The following ODAD4 variants were observed in gnomAD, a reference collection of about 807,000 sequenced individuals.
ODAD4 encodes outer dynein arm docking complex subunit 4.
A neutral mutation model predicts 51.8 loss-of-function variants in ODAD4; 49 were observed. The observed-to-expected ratio is 0.95, with a 90% CI of 0.75 to 1.20. ODAD4 has a LOEUF of 1.20. ODAD4 is among the 50% of genes most tolerant of loss of function. The pLI is 0.00. For synonymous variants in ODAD4, 235 were observed against 221.3 expected (o/e 1.06, Z -0.55); for missense variants, 590 against 586.5 (o/e 1.01, Z -0.06).
intron 1 of ODAD4, 43 bp downstream of exon 1, chr17:41,930,880 A>AATTT: frequency 2.2e-5 from 3 of 135,212 alleles, no homozygotes; most frequent in African/African-American, 8.8e-5. Context: ...ATCACCCGTC[A>AATTT]CTTTTTTTTT....
In ODAD4 at chr17:41,938,969, C is replaced by T; in HGVS notation, c.855C>T (p.Leu285=). ...LKSLEDIDML[L]TSGSAEGSLQ... ...AGCACCCCTTTCCTTTCTCAGTGCTCACAAGTGGCAGTGCTGAAGGGAGTC... is the reference window on the plus strand; with the variant it reads ...AGCACCCCTTTCCTTTCTCAGTGCTTACAAGTGGCAGTGCTGAAGGGAGTC... The change falls in exon 7 of 12, where the codon CTC becomes CTT. Residue 285 remains leucine, a synonymous_variant. Transcript: ENST00000377540. The T allele has an allele frequency of 1.2e-6, 2 of 1,608,820 alleles. No homozygotes were observed. The highest frequency in any genetic ancestry group is 4.5e-5 in the East Asian group (2 of 44,756).
chr17:41,947,520 G>T (rs1368954813), intron 8 of ODAD4, among the ~76,000 whole-genome samples: 6 of 151,454 alleles, frequency 4.0e-5, no homozygotes, highest in Admixed American at 4.0e-4. Context: ...GCACAGGCCA[G>T]GTGTGGTGGC....
At chr17:41,946,348 C>T (rs566280166) in intron 8 of ODAD4, among the ~76,000 whole-genome samples, 5 of 152,292 alleles carry the variant, frequency 3.3e-5, no homozygotes, top group East Asian at 3.9e-4. Flanking sequence ...TGTTTTGAGA[C>T]GGAGTCTCAC....
At chr17:41,946,738 G>A (rs1039334881) in intron 8 of ODAD4, among the ~76,000 whole-genome samples, 1 of 152,278 alleles carries the variant, frequency 6.6e-6, no homozygotes, top group South Asian at 2.1e-4. Context: ...GTGCAGAGGC[G>A]TGATCTCAGC....
intron 8 of ODAD4, among the ~76,000 whole-genome samples, chr17:41,945,564 G>C (rs1428152200): frequency 1.3e-5 from 2 of 152,010 alleles, no homozygotes; most frequent in Non-Finnish European, 2.9e-5. Flanking sequence ...CTCAATTCTT[G>C]CCTCCTCAGA....
intron 2 of ODAD4, 49 bp from the exon 3 acceptor site, chr17:41,935,549 TC>T: frequency 6.3e-7 from 1 of 1,577,312 alleles, no homozygotes; most frequent in East Asian, 2.3e-5. Flanking sequence ...CACATGTGAG[TC>T]CTATAAGGCC....
intron 9 of ODAD4, among the ~76,000 whole-genome samples, chr17:41,949,772 A>G (rs2050630190): frequency 6.6e-6 from 1 of 152,050 alleles, no homozygotes; most frequent in African/African-American, 2.4e-5. Context: ...TCCCAGGTTC[A>G]AGTGATTCTT....
intron 11 of ODAD4, among the ~76,000 whole-genome samples, chr17:41,962,429 G>A (rs1318290484): frequency 1.3e-5 from 2 of 152,176 alleles, no homozygotes; most frequent in African/African-American, 2.4e-5. Context: ...GGGAGGGAGT[G>A]AGGGAAGGAG....
chr17:41,945,903 A>G (rs1361943682), intron 8 of ODAD4, among the ~76,000 whole-genome samples: 1 of 152,232 alleles, frequency 6.6e-6, no homozygotes, highest in Non-Finnish European at 1.5e-5. Context: ...ACAGTCTCAA[A>G]AAAAAACCTT....
chr17:41,950,072 C>T (rs1476592357), intron 9 of ODAD4, among the ~76,000 whole-genome samples: 5 of 149,040 alleles, frequency 3.4e-5, no homozygotes, highest in East Asian at 2.0e-4. Context: ...CGGGTTCAAG[C>T]GATTCTCCTG....
chr17:41,958,297 G>A (rs1365758050), intron 10 of ODAD4, among the ~76,000 whole-genome samples: 1 of 151,998 alleles, frequency 6.6e-6, no homozygotes, highest in Non-Finnish European at 1.5e-5. Context: ...CAAAGTCCAC[G>A]TTGTGCACTT....
chr17:41,932,497 C>T (rs1350976892), intron 1 of ODAD4, among the ~76,000 whole-genome samples: 1 of 152,112 alleles, frequency 6.6e-6, no homozygotes, highest in Non-Finnish European at 1.5e-5. Context: ...GTGCTAACCA[C>T]AAAACTACAC....
chr17:41,938,975 T>C lies in ODAD4; in HGVS notation c.861T>C (p.Ser287=). The change falls in exon 7 of 12, where the codon AGT becomes AGC. Residue 287 remains serine, a synonymous_variant. Coordinates refer to ENST00000377540, the MANE Select transcript of ODAD4 (RefSeq NM_031421.5). ...SLEDIDMLLT[S]GSAEGSLQKA... ...CCTTTCCTTTCTCAGTGCTCACAAG[T>C]GGCAGTGCTGAAGGGAGTCTTCAGA... 1 of 1,609,870 alleles carries C rather than the reference T, an allele frequency of 6.2e-7. No homozygotes were observed.
intron 6 of ODAD4, 79 bp from the exon 7 acceptor site, chr17:41,938,886 G>A (rs1288261077): frequency 7.1e-6 from 11 of 1,552,900 alleles, no homozygotes; most frequent in Non-Finnish European, 9.7e-6. Flanking sequence ...CCTGCAGATG[G>A]TGTCTGCAGG....
At chr17:41,938,837 G>A (rs2050466100) in intron 6 of ODAD4, 56 bp downstream of exon 6, 2 of 1,590,382 alleles carry the variant, frequency 1.3e-6, no homozygotes, top group African/African-American at 1.3e-5. Flanking sequence ...ATCAGGTGGG[G>A]AAGGAGCAAC....
At chr17:41,932,857 G>A (rs1555637159) in intron 1 of ODAD4, among the ~76,000 whole-genome samples, 2 of 151,074 alleles carry the variant, frequency 1.3e-5, no homozygotes, top group Admixed American at 6.6e-5. Flanking sequence ...GAGATACAGT[G>A]CCCTAAAAAC....
In ODAD4 at chr17:41,935,525, C is replaced by T. The variant is rs868953265; in HGVS notation, c.247-74C>T. 7.2e-5 allele frequency: 111 copies of T among 1,546,676 alleles called. No individual in the cohort carries two copies. The African/African-American group carries it at 1.4e-3, about 20-fold the overall frequency. On this transcript the variant is annotated intron_variant, in intron 2 of 11. Coordinates refer to ENST00000377540, the MANE Select transcript of ODAD4 (RefSeq NM_031421.5). The stretch of plus-strand genomic sequence containing the variant: ...TCCAACCTTGACCTTCAACCCAGGA[C>T]CCTTCTGTTCCACCACATGTGAGTC...
At chr17:41,949,393 G>A (rs1454532384) in intron 9 of ODAD4, 44 bp downstream of exon 9, 2 of 398,228 alleles carry the variant, frequency 5.0e-6, no homozygotes, top group Admixed American at 8.8e-5. Context: ...CAGCCTTCAG[G>A]CCCAGCTCAC....
At chr17:41,957,212 T>C (rs1231040194) in intron 10 of ODAD4, among the ~76,000 whole-genome samples, 1 of 152,160 alleles carries the variant, frequency 6.6e-6, no homozygotes, top group East Asian at 1.9e-4. Context: ...TTTTCTCTTA[T>C]CAGCAGTCCC....
Sources: gnomAD v4.1 joint callset for allele counts (sites outside exome capture counted in the v4.1 genomes callset) on GRCh38, gnomAD v4.1.1 for gene constraint, MANE v1.5 for transcripts, NCBI Gene and HGNC (gene_info 2026-07-23, HGNC 2026-07-21) for gene names.